The following CDR2L variants were observed in gnomAD, a reference collection of about 807,000 sequenced individuals.
CDR2L encodes cerebellar degeneration related protein 2 like.
A neutral mutation model predicts 36.1 loss-of-function variants in CDR2L; 19 were observed. The ratio of observed to expected loss-of-function variants is 0.53; its 90% CI spans 0.37 to 0.77. The LOEUF (loss-of-function observed/expected upper bound fraction) is 0.77, where lower values mean the gene tolerates loss of function less well. Ranked by LOEUF, CDR2L falls within the 30% of genes least tolerant of loss-of-function variation. The pLI, the probability that CDR2L is intolerant of heterozygous loss-of-function variation, is 0.00. For synonymous variants in CDR2L, 285 were observed against 280.4 expected, an observed-to-expected ratio of 1.02 and a Z score of -0.16; for missense variants, 575 against 627.2, an observed-to-expected ratio of 0.92 and a Z score of 0.89.
chr17:74,988,397 A>AC (rs1196126995), intron 1 of CDR2L, among the ~76,000 whole-genome samples: 1 of 151,954 alleles, frequency 6.6e-6, no homozygotes, highest in African/African-American at 2.4e-5. Flanking sequence ...CAGCTCGCCC[A>AC]CCCCGTCCTG....
At chr17:74,996,561 C>A (rs4789123) in intron 1 of CDR2L, among the ~76,000 whole-genome samples, 3 of 151,948 alleles carry the variant, frequency 2.0e-5, no homozygotes, top group South Asian at 2.1e-4. Context: ...TCAGACCCAC[C>A]AAGAGAATTT....
rs934654826 is a variant in CDR2L, at chr17:74,989,813, A to AT, written c.79+1696dup. Among the ~76,000 whole-genome samples, 2 of 151,820 alleles carry AT rather than the reference A, an allele frequency of 1.3e-5. No individual in the cohort carries two copies. The highest frequency in any genetic ancestry group is 2.9e-5 in the Non-Finnish European group (2 of 67,962). ...GGGACCACACCTGGCTAATTTTTGT[A>AT]TTTTTAGTAGAGACAGGGTTTCACC... On this transcript the variant is annotated intron_variant, in intron 1 of 4. Coordinates refer to ENST00000337231, the MANE Select transcript of CDR2L (RefSeq NM_014603.3). The surrounding 1 kb of genome is among the most constrained non-coding windows in gnomAD (Gnocchi z 4.2).
In CDR2L at chr17:75,003,989, C is replaced by T. The variant is rs539137814; in HGVS notation, c.1313C>T (p.Ala438Val). The stretch of plus-strand genomic sequence containing the variant: ...GAACAGAGCCAGCCCGAGTACAAGG[C>T]GCTCTTCAAAGAGATCTTCTCCAGG... ...RLEQSQPEYK[A>V]LFKEIFSRIQ... is the part of the protein sequence containing the mutation. The change falls in exon 5 of 5, where the codon GCG (alanine) becomes GTG (valine). Residue 438 changes from alanine (A) to valine (V), a missense_variant. Ala to Val is a moderately conservative substitution (Grantham distance 64). Coordinates refer to ENST00000337231, the MANE Select transcript of CDR2L (RefSeq NM_014603.3). The T allele has an allele frequency of 1.8e-4, 282 of 1,609,638 alleles. 4 individuals carry two copies. In the South Asian group the frequency reaches 3.0e-3, roughly 17 times the overall value.
rs934539025 is a variant in CDR2L, at chr17:75,003,692, C to T, written c.1016C>T (p.Thr339Ile). The change falls in exon 5 of 5, where the codon ACA becomes ATA. Residue 339 changes from threonine (T) to isoleucine (I), a missense_variant. Physicochemically the swap from Thr to Ile is moderately conservative, Grantham distance 89. Transcript: ENST00000337231. Reference protein sequence around the residue: ...DPASRHAGNLTLHANSVRKRG... With the variant: ...DPASRHAGNLILHANSVRKRG... ...GCCAGCCGGCACGCGGGCAACCTCA[C>T]ACTGCACGCCAACAGCGTGCGCAAG... The T allele has an allele frequency of 2.0e-6, 3 of 1,463,926 alleles. No homozygotes were observed. The highest frequency in any genetic ancestry group is 2.7e-6 in the Non-Finnish European group (3 of 1,107,090). 90.7% of individuals were successfully genotyped at this position (1,463,926 alleles called of 1,614,324 possible).
rs1444376046 is a variant in CDR2L at position 75,002,683 on chromosome 17, T to C, written c.506+455T>C. Among the ~76,000 whole-genome samples, 1 of 151,712 alleles carries C rather than the reference T, an allele frequency of 6.6e-6. No individual in the cohort carries two copies. The highest frequency in any genetic ancestry group is 1.5e-5 in the Non-Finnish European group (1 of 67,952). ...GCAGGAAACAGTCTCTTACACAGAG[T>C]AATGGAGAAGTTAAATGAAGAAGAG... On this transcript the variant is annotated intron_variant, in intron 4 of 4. Coordinates refer to ENST00000337231, the MANE Select transcript of CDR2L (RefSeq NM_014603.3). The surrounding 1 kb of genome is among the most constrained non-coding windows in gnomAD (Gnocchi z 4.1).
At chr17:74,996,744 C>G (rs1362911386) in intron 1 of CDR2L, among the ~76,000 whole-genome samples, 2 of 152,016 alleles carry the variant, frequency 1.3e-5, no homozygotes. Context: ...GTACAAGCAC[C>G]AGGGCTGTTG....
chr17:75,003,318 G>A lies in CDR2L; in HGVS notation c.642G>A (p.Glu214=). Residue 214 remains glutamate (E), a synonymous_variant, in exon 5 of 5, where the codon GAG becomes GAA. Transcript: ENST00000337231. ...TGAGCCAGGAGCGGCAGCGCAAGGA[G>A]CGGGCGGAGCGCGAGTACACCGCGG... is the stretch of plus-strand genomic sequence containing the variant. ...SQVSQERQRK[E]RAEREYTAVL... is the part of the protein sequence containing the mutation. 1 of 1,554,902 alleles carries A rather than the reference G, an allele frequency of 6.4e-7. No homozygotes were observed. The highest frequency in any genetic ancestry group is 8.7e-7 in the Non-Finnish European group (1 of 1,150,076).
chr17:74,991,949 C>T (rs1430111341), intron 1 of CDR2L, among the ~76,000 whole-genome samples: 2 of 152,174 alleles, frequency 1.3e-5, no homozygotes, highest in Non-Finnish European at 2.9e-5. Flanking sequence ...GACCTGGCAA[C>T]GGGAGGGAGG....
intron 1 of CDR2L, among the ~76,000 whole-genome samples, chr17:74,997,868 G>A (rs956197233): frequency 4.0e-5 from 6 of 150,688 alleles, no homozygotes; most frequent in East Asian, 2.0e-4. Context: ...AAAATTAGCC[G>A]GGCGTGGTAG....
At chr17:75,000,720 C>T (rs1318646310) in intron 2 of CDR2L, among the ~76,000 whole-genome samples, 1 of 150,544 alleles carries the variant, frequency 6.6e-6, no homozygotes, top group African/African-American at 2.4e-5. Flanking sequence ...CGAGACCATC[C>T]TGGCTAACAC....
rs1263573700 is a variant in CDR2L, at chr17:75,002,277, G to T, written c.506+49G>T. ...TCTCTGGGATTGCCAGCCATGGGAG[G>T]AAGGAGAGGCAGCAGGCAGCAGGGT... On this transcript the variant is annotated intron_variant, in intron 4 of 4. Transcript: ENST00000337231. The surrounding 1 kb of genome is among the most constrained non-coding windows in gnomAD (Gnocchi z 4.1). 9 of 1,545,376 alleles carry T rather than the reference G, an allele frequency of 5.8e-6. No homozygotes were observed. Among genetic ancestry groups the T allele is most frequent in the Non-Finnish European group, 7.9e-6 (9 of 1,137,914 alleles).
rs758767560 is a variant in CDR2L at position 75,003,897 on chromosome 17, C to T, written c.1221C>T (p.Gly407=). The T allele has an allele frequency of 1.2e-6, 2 of 1,607,372 alleles. No individual in the cohort carries two copies. Among genetic ancestry groups the T allele is most frequent in the South Asian group, 1.1e-5 (1 of 89,702 alleles). Residue 407 remains glycine (G), a synonymous_variant, in exon 5 of 5, where the codon GGC becomes GGT. Coordinates refer to ENST00000337231, the MANE Select transcript of CDR2L (RefSeq NM_014603.3). ...GGGACCTGCGCGGGGGTGAGGAGGG[C>T]CAGGGTGAGGTCAAGGCAGGAGAGA... ...SWRDLRGGEE[G]QGEVKAGEKS... is the part of the protein sequence containing the mutation.
At chr17:74,999,991 G>A (rs1173273348) in intron 2 of CDR2L, among the ~76,000 whole-genome samples, 8 of 152,034 alleles carry the variant, frequency 5.3e-5, no homozygotes, top group Non-Finnish European at 1.0e-4. Context: ...ATACATCAAA[G>A]CAAACTTGTC....
chr17:75,003,582 C>A lies in CDR2L; in HGVS notation c.906C>A (p.Val302=). The A allele has an allele frequency of 1.3e-6, 2 of 1,507,604 alleles. No homozygotes were observed. The allele number at this position is 1,507,604 out of a possible 1,614,324, so 93.4% of individuals were successfully genotyped here. A position where few individuals can be genotyped will look rare whatever the true frequency, so the allele number is the denominator to read the frequency against. The change falls in exon 5 of 5, where the codon GTC becomes GTA. Residue 302 remains valine (V), a synonymous_variant. Coordinates refer to ENST00000337231, the MANE Select transcript of CDR2L (RefSeq NM_014603.3). ...RGDDLGAQDG[V]SSPAASPGHV... is the part of the protein sequence containing the mutation. ...ACGACTTGGGCGCCCAGGACGGGGTCTCCTCACCGGCAGCCTCTCCAGGCC... is the reference window on the plus strand; with the variant it reads ...ACGACTTGGGCGCCCAGGACGGGGTATCCTCACCGGCAGCCTCTCCAGGCC...
At position 75,003,513 on chromosome 17, in the gene CDR2L, C is replaced by T; in HGVS notation, c.837C>T (p.Leu279=). Residue 279 remains leucine, a synonymous_variant, in exon 5 of 5, where the codon CTC becomes CTT. Transcript: ENST00000337231. ...TGGCCGAGGCCCTGCTCGCACCCCT[C>T]ACGCAGGCCCCTGAGGCCGACGATC... ...DHLAEALLAP[L]TQAPEADDPQ... is the part of the protein sequence containing the mutation. The T allele has an allele frequency of 6.5e-7, 1 of 1,535,188 alleles. No individual in the cohort carries two copies. Among genetic ancestry groups the T allele is most frequent in the Non-Finnish European group, 8.8e-7 (1 of 1,138,784 alleles).
At chr17:74,992,333 A>T (rs961513116) in intron 1 of CDR2L, among the ~76,000 whole-genome samples, 1 of 151,652 alleles carries the variant, frequency 6.6e-6, no homozygotes, top group African/African-American at 2.4e-5. Context: ...CAGGCAGGGG[A>T]GGTGCCAACC....
chr17:74,994,035 C>T (rs1036916394), intron 1 of CDR2L, among the ~76,000 whole-genome samples: 4 of 152,198 alleles, frequency 2.6e-5, no homozygotes, highest in African/African-American at 4.8e-5. Context: ...CCCTCAGCTG[C>T]CCACCAAGAG....
chr17:75,003,633 C>T lies in CDR2L; in HGVS notation c.957C>T (p.Asp319=), dbSNP rs2039882985. ...ACGTGGTGCGCAAGAGCTGCAGCGA[C>T]ACTGCGCTCAACGCCATCGTGGCCA... ...PGHVVRKSCS[D]TALNAIVAKD... The change falls in exon 5 of 5, where the codon GAC becomes GAT. Residue 319 remains aspartate, a synonymous_variant. Coordinates refer to ENST00000337231, the MANE Select transcript of CDR2L (RefSeq NM_014603.3). The T allele has an allele frequency of 4.1e-6, 6 of 1,469,292 alleles. No individual in the cohort carries two copies. The South Asian group carries it at 8.5e-5, about 21-fold the overall frequency. 91.0% of individuals were successfully genotyped at this position (1,469,292 alleles called of 1,614,324 possible).
At chr17:75,001,200 C>A in intron 2 of CDR2L, 141 bp from the exon 3 acceptor site, 2 of 887,928 alleles carry the variant, frequency 2.3e-6, no homozygotes, top group Non-Finnish European at 3.2e-6. Context: ...TGCCACTGCA[C>A]TTCAGCCTGG....
Sources: gnomAD v4.1 joint callset for allele counts (sites outside exome capture counted in the v4.1 genomes callset) on GRCh38, gnomAD v4.1.1 for gene constraint, Gnocchi (gnomAD v3.1) non-coding constraint, MANE v1.5 for transcripts, NCBI Gene and HGNC (gene_info 2026-07-23, HGNC 2026-07-21) for gene names.